The following CLIP4 variants were observed in gnomAD, a reference collection of about 807,000 sequenced individuals.
CLIP4 encodes the protein CAP-Gly domain containing linker protein family member 4, also known as CAP-Gly domain-containing linker protein 4.
Under a neutral mutation model 73.1 loss-of-function variants are expected in CLIP4, and 47 were observed. The observed-to-expected ratio is 0.64, with a 90% CI of 0.51 to 0.82. The LOEUF is 0.82. CLIP4 is among the 40% of genes least tolerant of loss of function. The probability of loss-of-function intolerance (pLI) is 0.00; values close to 1 mark genes in which losing one functional copy is unlikely to be tolerated. For synonymous variants in CLIP4, 306 were observed against 295.4 expected, an observed-to-expected ratio of 1.04 and a Z score of -0.37; for missense variants, 874 against 852.9, an observed-to-expected ratio of 1.02 and a Z score of -0.31.
In CLIP4 at chr2:29,161,157, A is replaced by G. The variant is rs1667268397; in HGVS notation, c.1534+690A>G. On this transcript the variant is annotated intron_variant, in intron 12 of 15. Coordinates refer to ENST00000320081, the MANE Select transcript of CLIP4 (RefSeq NM_024692.6). ...GCCCCGCTAATTTTGTATTTTTAGTAGAGATGGTATTTCTCCATGTTGGCC... is the reference window on the plus strand; with the variant it reads ...GCCCCGCTAATTTTGTATTTTTAGTGGAGATGGTATTTCTCCATGTTGGCC... 2.6e-5 allele frequency among the ~76,000 whole-genome samples: 4 copies of G among 152,238 alleles called. No individual in the cohort carries two copies. The South Asian group carries it at 8.3e-4, about 32-fold the overall frequency.
intron 3 of CLIP4, chr2:29,131,793 G>A (rs1292974166): frequency 4.0e-6 from 1 of 247,306 alleles, no homozygotes; most frequent in African/African-American, 2.2e-5. Context: ...TTTGAGGGAG[G>A]GTTCCTTGAC....
At chr2:29,138,340 A>G (rs924478734) in intron 6 of CLIP4, among the ~76,000 whole-genome samples, 13 of 151,838 alleles carry the variant, frequency 8.6e-5, no homozygotes, top group African/African-American at 3.1e-4. Flanking sequence ...AGGGGTCTCT[A>G]TTCTGTTTCA....
At chr2:29,122,780 C>T (rs530999935) in intron 2 of CLIP4, among the ~76,000 whole-genome samples, 27 of 134,256 alleles carry the variant, frequency 2.0e-4, no homozygotes, top group African/African-American at 7.3e-4. Context: ...GAGCTGAGAT[C>T]GCATCACTGC....
At chr2:29,117,787 T>G (rs1025079446) in intron 1 of CLIP4, among the ~76,000 whole-genome samples, 23 of 152,240 alleles carry the variant, frequency 1.5e-4, no homozygotes, top group Non-Finnish European at 1.5e-5. Flanking sequence ...ACTTACTACT[T>G]TCAACTTTCT....
chr2:29,144,986 C>G (rs1294874698), intron 7 of CLIP4, among the ~76,000 whole-genome samples: 2 of 151,644 alleles, frequency 1.3e-5, no homozygotes, highest in Middle Eastern at 6.8e-3. Flanking sequence ...CTTATGTCTT[C>G]TTGGAAATTG....
At chr2:29,175,035 G>C (rs1339042743) in intron 15 of CLIP4, among the ~76,000 whole-genome samples, 1 of 152,136 alleles carries the variant, frequency 6.6e-6, no homozygotes, top group Non-Finnish European at 1.5e-5. Context: ...TGGGTTTAGA[G>C]GTGCTGCCAG....
intron 1 of CLIP4, among the ~76,000 whole-genome samples, chr2:29,104,985 T>C (rs553589501): frequency 6.6e-6 from 1 of 152,274 alleles, no homozygotes; most frequent in East Asian, 1.9e-4. Flanking sequence ...GGCTGTTGTT[T>C]TTTTGCTGGG....
At chr2:29,178,822 T>C (rs929812618) in intron 15 of CLIP4, among the ~76,000 whole-genome samples, 4 of 152,168 alleles carry the variant, frequency 2.6e-5, no homozygotes, top group African/African-American at 2.4e-5. Context: ...TTTGACAGAG[T>C]CTTGCTCTGT....
intron 8 of CLIP4, among the ~76,000 whole-genome samples, chr2:29,147,668 A>T (rs1666262137): frequency 6.6e-6 from 1 of 152,058 alleles, no homozygotes; most frequent in African/African-American, 2.4e-5. Context: ...GGTAATTAGG[A>T]TATTCATCAC....
intron 15 of CLIP4, chr2:29,175,631 G>T (rs1371751109): frequency 1.3e-5 from 2 of 152,196 alleles, no homozygotes; most frequent in Non-Finnish European, 2.9e-5. Flanking sequence ...CTCTGTAGAC[G>T]TGAGGTGGAA....
chr2:29,143,019 G>A (rs566306444), intron 6 of CLIP4, among the ~76,000 whole-genome samples: 1 of 152,258 alleles, frequency 6.6e-6, no homozygotes, highest in South Asian at 2.1e-4. Context: ...TATAGCCCAG[G>A]TTTTAGTAGT....
intron 8 of CLIP4, among the ~76,000 whole-genome samples, chr2:29,145,794 G>GC (rs1666122448): frequency 6.6e-6 from 1 of 152,220 alleles, no homozygotes; most frequent in Non-Finnish European, 1.5e-5. Context: ...CGATTCTCCT[G>GC]CCTCAGCCTC....
intron 12 of CLIP4, among the ~76,000 whole-genome samples, chr2:29,160,878 A>C (rs1006695401): frequency 1.3e-5 from 2 of 152,242 alleles, no homozygotes; most frequent in Non-Finnish European, 2.9e-5. Context: ...AAAAGGGCTC[A>C]AAATACATGT....
intron 12 of CLIP4, 58 bp downstream of exon 12, chr2:29,160,525 T>C: frequency 5.7e-6 from 9 of 1,570,406 alleles, no homozygotes; most frequent in Non-Finnish European, 7.8e-6. Flanking sequence ...AGGTTTAAAA[T>C]TTTACATGTA....
chr2:29,144,050 C>T, intron 7 of CLIP4, 105 bp downstream of exon 7: 1 of 834,904 alleles, frequency 1.2e-6, no homozygotes, highest in Non-Finnish European at 2.0e-6. Flanking sequence ...AAAGGTTCAA[C>T]ATGTAGGTAG....
At chr2:29,167,416 A>G in intron 13 of CLIP4, 60 bp from the exon 14 acceptor site, 1 of 1,188,532 alleles carries the variant, frequency 8.4e-7, no homozygotes, top group Non-Finnish European at 1.2e-6. Context: ...TTAGTTGATA[A>G]CCAGTCTTAA....
chr2:29,157,076 A>G, intron 10 of CLIP4, 128 bp from the exon 11 acceptor site: 2 of 745,416 alleles, frequency 2.7e-6, no homozygotes, highest in Non-Finnish European at 4.6e-6. Context: ...TTAGGCATTT[A>G]ATTTGACACT....
chr2:29,110,974 C>A (rs373534478), upstream of CLIP4, among the ~76,000 whole-genome samples: 3 of 152,148 alleles, frequency 2.0e-5, no homozygotes, highest in South Asian at 2.1e-4. Flanking sequence ...GTGTGAGCCA[C>A]CACGCCTGGT....
chr2:29,167,844 A>C (rs79478828), intron 14 of CLIP4: 2,613 of 218,330 alleles, frequency 0.012, 20 homozygotes, highest in Middle Eastern at 0.016. Context: ...TTTGTCACCC[A>C]TATATAGATA....
Sources: gnomAD v4.1 joint callset for allele counts (sites outside exome capture counted in the v4.1 genomes callset) on GRCh38, gnomAD v4.1.1 for gene constraint, MANE v1.5 for transcripts, NCBI Gene and HGNC (gene_info 2026-07-23, HGNC 2026-07-21) for gene names.